FSTL5: variants seen among roughly 807,000 people sequenced by gnomAD.
FSTL5 encodes follistatin like 5, also known as follistatin-related protein 5.
In FSTL5, 62 loss-of-function variants were observed where a neutral mutation model predicts 89.1. The ratio of observed to expected loss-of-function variants is 0.70; its 90% CI spans 0.57 to 0.86. The LOEUF (loss-of-function observed/expected upper bound fraction) is 0.86. FSTL5 is among the 40% of genes least tolerant of loss of function. The pLI is 0.00. For synonymous variants in FSTL5, 383 were observed against 346.2 expected (o/e 1.11, Z -1.18); for missense variants, 1,057 against 1,001.6 (o/e 1.06, Z -0.75).
chr4:161,660,724 A>G (rs1170050305), intron 6 of FSTL5, among the ~76,000 whole-genome samples: 1 of 151,974 alleles, frequency 6.6e-6, no homozygotes, highest in Non-Finnish European at 1.5e-5. Context: ...AATATGTGGT[A>G]TTTGGTCTTC....
At chr4:162,130,894 T>C (rs1732278032) in intron 1 of FSTL5, among the ~76,000 whole-genome samples, 1 of 152,090 alleles carries the variant, frequency 6.6e-6, no homozygotes. Context: ...ATCAATATTT[T>C]TATAATATAG....
chr4:161,481,230 T>C (rs1473913258), intron 12 of FSTL5, 61 bp from the exon 13 acceptor site: 68 of 1,277,076 alleles, frequency 5.3e-5, no homozygotes, highest in Non-Finnish European at 7.4e-5. Context: ...TGCCTGACAA[T>C]ATCATGGGTA....
At chr4:161,470,494 T>C (rs1733899220) in intron 13 of FSTL5, among the ~76,000 whole-genome samples, 1 of 152,180 alleles carries the variant, frequency 6.6e-6, no homozygotes, top group Admixed American at 6.5e-5. Context: ...ATTGTAGCCT[T>C]TGCAGTAAGT....
chr4:161,751,436 G>C (rs1205469594), intron 6 of FSTL5, among the ~76,000 whole-genome samples: 1 of 152,058 alleles, frequency 6.6e-6, no homozygotes, highest in Non-Finnish European at 1.5e-5. Flanking sequence ...CAAGGAAATG[G>C]TGCTGAGTGG....
At chr4:161,560,599 A>AT (rs1732560693) in intron 8 of FSTL5, among the ~76,000 whole-genome samples, 1 of 151,394 alleles carries the variant, frequency 6.6e-6, no homozygotes. Context: ...TTTAATTTTA[A>AT]TTTTTCCTTT....
At chr4:162,130,254 G>C (rs917766023) in intron 1 of FSTL5, among the ~76,000 whole-genome samples, 2 of 152,128 alleles carry the variant, frequency 1.3e-5, no homozygotes, top group African/African-American at 4.8e-5. Flanking sequence ...AAACCCGTAG[G>C]TTTAGTAATA....
intron 7 of FSTL5, among the ~76,000 whole-genome samples, chr4:161,596,352 C>T (rs150880568): frequency 2.0e-5 from 3 of 151,704 alleles, no homozygotes; most frequent in African/African-American, 7.3e-5. Context: ...TGTCAACTAA[C>T]ACGAATTGAA....
At chr4:161,829,693 C>A (rs1281462185) in intron 4 of FSTL5, among the ~76,000 whole-genome samples, 2 of 152,022 alleles carry the variant, frequency 1.3e-5, no homozygotes, top group African/African-American at 4.8e-5. Flanking sequence ...ACAATAAAAA[C>A]CACCTTGTTA....
rs1406840089 is a variant in FSTL5 at position 161,386,328 on chromosome 4, T to C, written c.1963A>G (p.Thr655Ala). The change falls in exon 16 of 16, where the codon ACA becomes GCA. Residue 655 changes from threonine (T) to alanine (A), a missense_variant. Coordinates refer to ENST00000306100, the MANE Select transcript of FSTL5 (RefSeq NM_020116.5). ...ATGAAGTAGTAGCCTCCCAAGTGTG[T>C]ATATGCCAATGACTGAGGAACGCAC... ...YKCVPQSLAY[T>A]HLGGYYFIGC... 1 of 1,613,998 alleles carries C rather than the reference T, an allele frequency of 6.2e-7. No homozygotes were observed. Among genetic ancestry groups the C allele is most frequent in the Non-Finnish European group, 8.5e-7 (1 of 1,179,942 alleles).
intron 2 of FSTL5, among the ~76,000 whole-genome samples, chr4:162,060,232 G>A (rs1282516059): frequency 1.3e-5 from 2 of 151,964 alleles, no homozygotes; most frequent in African/African-American, 4.8e-5. Flanking sequence ...AAAAATTATA[G>A]TTGAGATATA....
chr4:161,897,327 C>T (rs1413506602), intron 4 of FSTL5, among the ~76,000 whole-genome samples: 3 of 151,262 alleles, frequency 2.0e-5, no homozygotes, highest in Admixed American at 1.3e-4. Context: ...TATTTTTATA[C>T]CTTTCTCTTA....
chr4:161,963,391 T>C (rs1735235116), intron 3 of FSTL5, among the ~76,000 whole-genome samples: 2 of 151,948 alleles, frequency 1.3e-5, no homozygotes, highest in African/African-American at 4.8e-5. Context: ...CATTCTTACC[T>C]AGTTTCTTCA....
chr4:162,049,192 G>A (rs1457755361), intron 2 of FSTL5, among the ~76,000 whole-genome samples: 1 of 152,142 alleles, frequency 6.6e-6, no homozygotes. Flanking sequence ...AGTGCAGGTA[G>A]CCAATGGGAA....
intron 6 of FSTL5, among the ~76,000 whole-genome samples, chr4:161,747,340 C>A (rs1418513763): frequency 2.0e-5 from 3 of 152,146 alleles, no homozygotes; most frequent in African/African-American, 7.2e-5. Flanking sequence ...AATCTCTCCC[C>A]ACCTTTCCAA....
chr4:161,595,654 A>T (rs925516594), intron 7 of FSTL5, among the ~76,000 whole-genome samples: 3 of 152,066 alleles, frequency 2.0e-5, no homozygotes, highest in Admixed American at 1.3e-4. Context: ...TTAATAACCT[A>T]TAGATGATGA....
chr4:162,019,467 A>C (rs912287872), intron 3 of FSTL5, among the ~76,000 whole-genome samples: 3 of 152,074 alleles, frequency 2.0e-5, no homozygotes, highest in African/African-American at 4.8e-5. Flanking sequence ...CCTATTATTT[A>C]TACATAGAAC....
intron 13 of FSTL5, among the ~76,000 whole-genome samples, chr4:161,469,383 G>T (rs1733855933): frequency 2.0e-5 from 3 of 152,076 alleles, no homozygotes; most frequent in Admixed American, 2.0e-4. Flanking sequence ...ATAACCACCA[G>T]TCTCTCAAAG....
At chr4:161,680,361 TC>T (rs1198860255) in intron 6 of FSTL5, among the ~76,000 whole-genome samples, 1 of 151,912 alleles carries the variant, frequency 6.6e-6, no homozygotes, top group Non-Finnish European at 1.5e-5. Context: ...CTTTATTACT[TC>T]CCTTATGCAT....
At chr4:161,779,801 A>ATATG (rs1741581524) in intron 4 of FSTL5, among the ~76,000 whole-genome samples, 8 of 46,410 alleles carry the variant, frequency 1.7e-4, no homozygotes, top group South Asian at 6.1e-4. Context: ...ATATATATAT[A>ATATG]TATATATATG....
Sources: allele counts gnomAD v4.1 joint callset (sites outside exome capture counted in the v4.1 genomes callset), GRCh38; gene constraint gnomAD v4.1.1; transcripts MANE v1.5; gene names NCBI Gene and HGNC (gene_info 2026-07-23, HGNC 2026-07-21).